DOCK1: variants seen among roughly 807,000 people sequenced by gnomAD.
DOCK1 encodes the protein dedicator of cytokinesis protein 1.
DOCK1 carries 138 observed loss-of-function variants against 262.7 expected under a neutral mutation model. The observed-to-expected ratio is 0.53, with a 90% confidence interval of 0.46 to 0.61. The LOEUF (loss-of-function observed/expected upper bound fraction) is 0.61. DOCK1 is among the 20% of genes least tolerant of loss of function. The pLI, the probability that DOCK1 is intolerant of heterozygous loss-of-function variation, is 0.00. For synonymous variants in DOCK1, 866 were observed against 867.4 expected (o/e 1.00, Z 0.03); for missense variants, 1,908 against 2,370.7 (o/e 0.80, Z 4.05).
At chr10:127,022,638 TACCCACC>T (rs1250335300) in intron 13 of DOCK1, among the ~76,000 whole-genome samples, 1 of 152,160 alleles carries the variant, frequency 6.6e-6, no homozygotes, top group African/African-American at 2.4e-5. Flanking sequence ...TCAAGTGATC[TACCCACC>T]TCGGCATCCC....
chr10:127,058,921 G>C (rs1163302050), intron 22 of DOCK1, among the ~76,000 whole-genome samples: 1 of 151,936 alleles, frequency 6.6e-6, no homozygotes, highest in Non-Finnish European at 1.5e-5. Context: ...TTTTATGTTT[G>C]TAATTGTTTT....
intron 2 of DOCK1, among the ~76,000 whole-genome samples, chr10:126,977,288 G>C (rs926556590): frequency 6.6e-6 from 1 of 152,176 alleles, no homozygotes; most frequent in African/African-American, 2.4e-5. Flanking sequence ...CGGATGGTTC[G>C]AGTGTGTCTT....
intron 1 of DOCK1, among the ~76,000 whole-genome samples, chr10:126,951,851 C>CG (rs2036278262): frequency 2.3e-5 from 2 of 86,544 alleles, no homozygotes; most frequent in Non-Finnish European, 5.0e-5. Flanking sequence ...TCAGCCTCTT[C>CG]ATTTTTTTTT....
intron 27 of DOCK1, among the ~76,000 whole-genome samples, chr10:127,237,363 G>GA (rs60864459): frequency 0.67 from 89,831 of 134,682 alleles, 30,311 homozygotes; most frequent in South Asian, 0.75. Flanking sequence ...TCCATCTCAG[G>GA]AAAAAAAAAA....
chr10:126,938,497 A>G (rs952824056), intron 1 of DOCK1, among the ~76,000 whole-genome samples: 10 of 152,124 alleles, frequency 6.6e-5, no homozygotes, highest in East Asian at 1.9e-4. Context: ...ATTCTCTTCT[A>G]TTGGTCTCTG....
chr10:127,436,059 G>A (rs1171067971), intron 48 of DOCK1, among the ~76,000 whole-genome samples: 1 of 152,158 alleles, frequency 6.6e-6, no homozygotes, highest in Non-Finnish European at 1.5e-5. Context: ...ATCATGAAAT[G>A]TTTGGTTGTT....
chr10:127,202,335 A>G lies in DOCK1; in HGVS notation c.2848-45673A>G, dbSNP rs547701032. On this transcript the variant is annotated intron_variant, in intron 27 of 51. Coordinates refer to ENST00000623213, the MANE Select transcript of DOCK1 (RefSeq NM_001290223.2). Reference sequence around the variant, plus strand: ...GAGACTCTGTCTCCAAAAAAAAAAAAAGAACTAGGACAGGAAGGGGTAAGA... The same window carrying G: ...GAGACTCTGTCTCCAAAAAAAAAAAGAGAACTAGGACAGGAAGGGGTAAGA... Among the ~76,000 whole-genome samples, 29 of 151,932 alleles carry G rather than the reference A, an allele frequency of 1.9e-4. No homozygotes were observed. In the East Asian group the frequency reaches 5.6e-3, roughly 29 times the overall value.
chr10:127,127,867 A>G, intron 27 of DOCK1, 103 bp downstream of exon 27: 1 of 925,008 alleles, frequency 1.1e-6, no homozygotes, highest in African/African-American at 1.6e-5. Context: ...TGTAGTGAGC[A>G]GTTGAGATAC....
At chr10:127,213,562 G>A (rs915883778) in intron 27 of DOCK1, among the ~76,000 whole-genome samples, 1 of 152,204 alleles carries the variant, frequency 6.6e-6, no homozygotes, top group African/African-American at 2.4e-5. Context: ...AATGAAAAAT[G>A]TTTCCCTATA....
chr10:127,032,964 A>T (rs1198416892), intron 18 of DOCK1, among the ~76,000 whole-genome samples: 3 of 152,234 alleles, frequency 2.0e-5, no homozygotes, highest in African/African-American at 7.2e-5. Flanking sequence ...TTGGAGTCAG[A>T]CTAAAAACCT....
chr10:126,944,696 A>C (rs1390582769), intron 1 of DOCK1, among the ~76,000 whole-genome samples: 1 of 152,106 alleles, frequency 6.6e-6, no homozygotes, highest in Non-Finnish European at 1.5e-5. Context: ...GGCACGTATC[A>C]GTGGCGAGGT....
At chr10:126,974,558 C>T (rs188056682) in intron 2 of DOCK1, among the ~76,000 whole-genome samples, 11 of 152,278 alleles carry the variant, frequency 7.2e-5, no homozygotes, top group East Asian at 3.9e-4. Context: ...AATTCTGTAA[C>T]AGCTGTGAAT....
At chr10:127,434,551 T>A (rs1030805237) in intron 48 of DOCK1, among the ~76,000 whole-genome samples, 2 of 152,182 alleles carry the variant, frequency 1.3e-5, no homozygotes, top group Non-Finnish European at 2.9e-5. Flanking sequence ...ACTGAAACTC[T>A]GTACCCATTT....
At chr10:127,380,668 G>C (rs1280221415) in intron 36 of DOCK1, among the ~76,000 whole-genome samples, 4 of 152,060 alleles carry the variant, frequency 2.6e-5, no homozygotes, top group Admixed American at 2.6e-4. Context: ...CTTCTCTCTT[G>C]GTTACTTCTA....
At chr10:126,975,359 A>G (rs1415036598) in intron 2 of DOCK1, among the ~76,000 whole-genome samples, 1 of 152,096 alleles carries the variant, frequency 6.6e-6, no homozygotes, top group Non-Finnish European at 1.5e-5. Context: ...CTGCGTTCCC[A>G]GGAGGGGGTT....
intron 29 of DOCK1, among the ~76,000 whole-genome samples, chr10:127,306,811 T>C (rs2061894678): frequency 6.6e-6 from 1 of 152,174 alleles, no homozygotes; most frequent in Non-Finnish European, 1.5e-5. Context: ...GTGGGGGCCA[T>C]TATAAAGGAA....
chr10:127,070,878 G>A (rs1461140549), intron 23 of DOCK1, among the ~76,000 whole-genome samples: 2 of 151,976 alleles, frequency 1.3e-5, no homozygotes, highest in Non-Finnish European at 2.9e-5. Flanking sequence ...AAGTGGCCAC[G>A]CCTCGCCTTG....
intron 31 of DOCK1, among the ~76,000 whole-genome samples, chr10:127,352,429 C>G (rs900941275): frequency 6.6e-6 from 1 of 152,074 alleles, no homozygotes; most frequent in Non-Finnish European, 1.5e-5. Context: ...TTACCCAAAC[C>G]GCAAGTGGAA....
intron 31 of DOCK1, 135 bp downstream of exon 31, chr10:127,343,881 A>G (rs749285356): frequency 5.5e-6 from 4 of 728,794 alleles, no homozygotes; most frequent in Non-Finnish European, 8.9e-6. Flanking sequence ...GTTTTAAATC[A>G]CCAATCAGGT....
Sources: allele counts gnomAD v4.1 joint callset (sites outside exome capture counted in the v4.1 genomes callset), GRCh38; gene constraint gnomAD v4.1.1; transcripts MANE v1.5; gene names NCBI Gene and HGNC (gene_info 2026-07-23, HGNC 2026-07-21).